SEC31B: variants seen among roughly 807,000 people sequenced by gnomAD.
SEC31B encodes protein transport protein Sec31B.
In SEC31B, 113 loss-of-function variants were observed where a neutral mutation model predicts 135.0. The ratio of observed to expected loss-of-function variants is 0.84; its 90% confidence interval spans 0.72 to 0.98. The LOEUF (loss-of-function observed/expected upper bound fraction) is 0.98, where lower values mean the gene tolerates loss of function less well. Ranked by LOEUF, SEC31B falls within the 50% of genes least tolerant of loss-of-function variation. The probability of loss-of-function intolerance (pLI) is 0.00; values close to 1 mark genes in which losing one functional copy is unlikely to be tolerated. For missense variants in SEC31B, 1,296 were observed against 1,421.1 expected, an observed-to-expected ratio of 0.91 and a Z score of 1.42; for synonymous variants, 508 against 549.4, an observed-to-expected ratio of 0.92 and a Z score of 1.05.
At chr10:100,497,939 A>T (rs1318320470) in intron 15 of SEC31B, 90 bp downstream of exon 15, 2 of 1,574,156 alleles carry the variant, frequency 1.3e-6, no homozygotes, top group Non-Finnish European at 1.7e-6. Flanking sequence ...AGGCAGGCAG[A>T]TACTCAAACA....
chr10:100,510,553 T>C (rs1851719344), intron 3 of SEC31B, among the ~76,000 whole-genome samples: 1 of 152,234 alleles, frequency 6.6e-6, no homozygotes, highest in Non-Finnish European at 1.5e-5. Context: ...TCTCACTTCA[T>C]AGCTGCTAGC....
chr10:100,516,967 G>A lies in SEC31B; in HGVS notation c.-15C>T, dbSNP rs192871226. The A allele has an allele frequency of 1.3e-5, 21 of 1,611,030 alleles. No homozygotes were observed. The highest frequency in any genetic ancestry group is 1.7e-5 in the Non-Finnish European group (20 of 1,177,320). ...TTCAGCTTCATGGTCTATCCTGTAG[G>A]TGGCAGAAAACTGACATGGCCCTCA... On this transcript the variant is annotated 5_prime_UTR_variant, in exon 2 of 26. Transcript: ENST00000370345.
chr10:100,499,091 A>T (rs1012307614), intron 13 of SEC31B, 69 bp downstream of exon 13: 1 of 1,260,136 alleles, frequency 7.9e-7, no homozygotes, highest in African/African-American at 1.5e-5. Flanking sequence ...AGGGCCAGGA[A>T]GGGAAAGATG....
chr10:100,499,327 T>A, intron 12 of SEC31B, 69 bp from the exon 13 acceptor site: 1 of 1,297,248 alleles, frequency 7.7e-7, no homozygotes, highest in Non-Finnish European at 1.1e-6. Context: ...CCTCTTTTCC[T>A]ATCTCCATAC....
Position 100,517,064 on chromosome 10 carries a change from T to A in SEC31B, c.-45-67A>T, listed in dbSNP as rs1200896118. The A allele has an allele frequency of 7.8e-6, 6 of 766,486 alleles. No individual in the cohort carries two copies. The African/African-American group carries it at 1.0e-4, about 13-fold the overall frequency. 47.5% of individuals were successfully genotyped at this position (766,486 alleles called of 1,614,324 possible). A position where few individuals can be genotyped will look rare whatever the true frequency, so the allele number is the denominator to read the frequency against. On this transcript the variant is annotated intron_variant, in intron 1 of 25. Transcript: ENST00000370345. ...AGCATCTGCGGACAAGAGTTCTTGT[T>A]TGTCTTTCTCCATCACAAGATAGGG...
chr10:100,497,472 G>C, intron 16 of SEC31B, 192 bp from the exon 17 acceptor site: 3 of 1,472,324 alleles, frequency 2.0e-6, no homozygotes, highest in Non-Finnish European at 2.7e-6. Flanking sequence ...GGTAAAACAG[G>C]ACAACAAAGG....
intron 5 of SEC31B, chr10:100,508,485 AAAGAG>A (rs1349371182): frequency 2.1e-6 from 1 of 465,240 alleles, no homozygotes; most frequent in Non-Finnish European, 4.3e-6. Flanking sequence ...AGCACAGAAG[AAAGAG>A]AAAAGGCCAG....
chr10:100,495,936 A>T (rs1376429071), intron 18 of SEC31B, among the ~76,000 whole-genome samples: 2 of 152,156 alleles, frequency 1.3e-5, no homozygotes, highest in Non-Finnish European at 2.9e-5. Flanking sequence ...TCTGCTTAGA[A>T]TGCTCTATAT....
At chr10:100,511,019 A>G (rs1424988907) in intron 3 of SEC31B, among the ~76,000 whole-genome samples, 1 of 152,166 alleles carries the variant, frequency 6.6e-6, no homozygotes, top group Non-Finnish European at 1.5e-5. Flanking sequence ...ACCCACATGA[A>G]GATGCAGAGG....
Position 100,488,095 on chromosome 10 carries a change from T to C in SEC31B, c.3292A>G (p.Thr1098Ala). 2 of 1,614,036 alleles carry C rather than the reference T, an allele frequency of 1.2e-6. No homozygotes were observed. The highest frequency in any genetic ancestry group is 1.3e-5 in the African/African-American group (1 of 75,008). Residue 1098 changes from threonine (T) to alanine (A), a missense_variant, in exon 25 of 26, where the codon ACA becomes GCA. Transcript: ENST00000370345. ...GCTGCCTCTTCCAGCTTCCTTTTTG[T>C]CTTCTGCAGGGAAAGAAATGGATTC... ...RCSLSATDLKTKRKLEEAAQR... is the reference protein window; with the variant it reads ...RCSLSATDLKAKRKLEEAAQR...
In SEC31B at chr10:100,506,172, G is replaced by A; in HGVS notation, c.912C>T (p.Ser304=). The A allele has an allele frequency of 1.2e-6, 2 of 1,614,210 alleles. No individual in the cohort carries two copies. The highest frequency in any genetic ancestry group is 8.5e-7 in the Non-Finnish European group (1 of 1,180,042). ...EVVYKLPTQS[S]WCFDVQWCPR... is the part of the protein sequence containing the mutation. ...GGCACCACTGCACATCAAAGCACCAGCTGCTCTGTGTTGGTAGCTTATATA... is the reference window on the plus strand; with the variant it reads ...GGCACCACTGCACATCAAAGCACCAACTGCTCTGTGTTGGTAGCTTATATA... Residue 304 remains serine (S), a synonymous_variant, in exon 9 of 26, where the codon AGC becomes AGT. Coordinates refer to ENST00000370345, the MANE Select transcript of SEC31B (RefSeq NM_015490.4).
chr10:100,498,443 T>G, intron 14 of SEC31B: 1 of 605,122 alleles, frequency 1.7e-6, no homozygotes, highest in East Asian at 2.8e-5. Flanking sequence ...GAGGTGTGCT[T>G]GATCACAGTG....
rs1851287639 is a variant in SEC31B at position 100,490,802 on chromosome 10, G to A, written c.2554C>T (p.Pro852Ser). 1 of 1,610,630 alleles carries A rather than the reference G, an allele frequency of 6.2e-7. No individual in the cohort carries two copies. Among genetic ancestry groups the A allele is most frequent in the Non-Finnish European group, 8.5e-7 (1 of 1,177,904 alleles). ...AMPLAPSHPS[P>S]YQGPRTQNIS... ...TTCTGTGTCCTGGGACCCTGATAAG[G>A]GCTAGGATGGGAAGGTGCCAAGGGC... is the stretch of plus-strand genomic sequence containing the variant. Residue 852 changes from proline to serine, a missense_variant, in exon 20 of 26, where the codon CCT becomes TCT. Coordinates refer to ENST00000370345, the MANE Select transcript of SEC31B (RefSeq NM_015490.4).
intron 19 of SEC31B, among the ~76,000 whole-genome samples, chr10:100,494,415 A>C (rs985497607): frequency 1.3e-5 from 2 of 152,164 alleles, no homozygotes; most frequent in Non-Finnish European, 1.5e-5. Context: ...ACTCTTCCTA[A>C]AACTGTTCAA....
At chr10:100,497,007 C>T (rs529608071) in intron 17 of SEC31B, 128 bp downstream of exon 17, 60 of 1,048,746 alleles carry the variant, frequency 5.7e-5, no homozygotes, top group Admixed American at 1.6e-4. Flanking sequence ...CAGGACCTTT[C>T]GCTCCTCCCT....
chr10:100,508,109 T>G (rs1020355260), intron 5 of SEC31B, 58 bp from the exon 6 acceptor site: 19 of 1,602,158 alleles, frequency 1.2e-5, no homozygotes, highest in Middle Eastern at 1.9e-4. Context: ...CAAAGTGACA[T>G]CTGCTGTTCC....
At position 100,489,129 on chromosome 10, in the gene SEC31B, C is replaced by A. The variant is rs958374157; in HGVS notation, c.3171+123G>T. On this transcript the variant is annotated intron_variant, in intron 23 of 25. Coordinates refer to ENST00000370345, the MANE Select transcript of SEC31B (RefSeq NM_015490.4). The stretch of plus-strand genomic sequence containing the variant: ...CCTCCCTTTCTCTGCAGTAAGGACA[C>A]CTGGTACCTGCCCCCAGTCTCCCTC... 1.0e-5 allele frequency: 15 copies of A among 1,437,122 alleles called. No individual in the cohort carries two copies. In the African/African-American group the frequency reaches 1.7e-4, roughly 16 times the overall value. The allele number at this position is 1,437,122 out of a possible 1,614,324, so 89.0% of individuals were successfully genotyped here.
chr10:100,498,411 T>A lies in SEC31B; in HGVS notation c.1685-204A>T. The A allele has an allele frequency of 4.8e-6, 3 of 621,442 alleles. No homozygotes were observed. In the South Asian group the frequency reaches 6.0e-5, roughly 12 times the overall value. 38.5% of individuals were successfully genotyped at this position (621,442 alleles called of 1,614,324 possible). A position where few individuals can be genotyped will look rare whatever the true frequency, so the allele number is the denominator to read the frequency against. On this transcript the variant is annotated intron_variant, in intron 14 of 25. Transcript: ENST00000370345. ...CAGGGCCCAAGACAAGGGAGGGAAC[T>A]GATGTGGCAGTAGCACAGTGTGAGG... is the stretch of plus-strand genomic sequence containing the variant.
Position 100,506,324 on chromosome 10 carries a change from A to G in SEC31B, c.879T>C (p.Ser293=). 1 of 1,613,970 alleles carries G rather than the reference A, an allele frequency of 6.2e-7. No individual in the cohort carries two copies. Among genetic ancestry groups the G allele is most frequent in the South Asian group, 1.1e-5 (1 of 91,068 alleles). The change falls in exon 8 of 26, where the codon AGT becomes AGC. Residue 293 remains serine (S), a synonymous_variant. Coordinates refer to ENST00000370345, the MANE Select transcript of SEC31B (RefSeq NM_015490.4). The stretch of plus-strand genomic sequence containing the variant: ...GCCCACAGAAGGGCCAGCCTACCTC[A>G]CTGCTCCCCAGGTTCCGGCACAAGA... The part of the protein sequence containing the change: ...SQILCRNLGS[S]EVVYKLPTQS...
Sources: allele counts gnomAD v4.1 joint callset (sites outside exome capture counted in the v4.1 genomes callset), GRCh38; gene constraint gnomAD v4.1.1; transcripts MANE v1.5; gene names NCBI Gene and HGNC (gene_info 2026-07-23, HGNC 2026-07-21).